C3: variants seen among roughly 807,000 people sequenced by gnomAD.
The protein encoded by C3 is complement C3.
Under a neutral mutation model 207.9 loss-of-function variants are expected in C3, and 97 were observed. The observed-to-expected ratio is 0.47, with a 90% confidence interval of 0.40 to 0.55. The LOEUF (loss-of-function observed/expected upper bound fraction) is 0.55, where lower values mean the gene tolerates loss of function less well. C3 is among the 20% of genes least tolerant of loss of function. The pLI is 0.00. For missense variants in C3, 1,684 were observed against 2,171.7 expected (o/e 0.78, Z 4.46); for synonymous variants, 848 against 857.6 (o/e 0.99, Z 0.20).
chr19:6,706,643 C>G (rs554658588), intron 17 of C3, among the ~76,000 whole-genome samples: 117 of 148,424 alleles, frequency 7.9e-4, no homozygotes, highest in Non-Finnish European at 1.6e-3. Context: ...CCCCCTCAGA[C>G]AGAGGCCTCC....
intron 35 of C3, 106 bp downstream of exon 35, chr19:6,681,835 G>C: frequency 3.5e-6 from 3 of 868,144 alleles, no homozygotes; most frequent in Non-Finnish European, 6.0e-6. Flanking sequence ...CTCTGGCCCA[G>C]GGTTAGTCTG....
intron 2 of C3, among the ~76,000 whole-genome samples, chr19:6,718,883 G>A (rs1171900019): frequency 1.4e-5 from 2 of 141,714 alleles, no homozygotes; most frequent in African/African-American, 2.6e-5. Context: ...GAAGGGGTGG[G>A]GTCTCAGGGA....
chr19:6,704,312 A>G (rs1967729735), intron 17 of C3, among the ~76,000 whole-genome samples: 1 of 152,110 alleles, frequency 6.6e-6, no homozygotes, highest in South Asian at 2.1e-4. Flanking sequence ...ATAAACAAAA[A>G]CAGCTTGACA....
At chr19:6,686,024 G>A (rs1917997320) in intron 29 of C3, 100 bp downstream of exon 29, 1 of 1,226,046 alleles carries the variant, frequency 8.2e-7, no homozygotes, top group African/African-American at 1.5e-5. Context: ...TCGTGGGAAT[G>A]AAGAACTGCC....
rs749677615 is a variant in C3 at position 6,679,440 on chromosome 19, G to A, written c.4513C>T (p.Leu1505Phe). Reference protein sequence around the residue: ...PEKEDGKLNKLCRDELCRCAE... With the variant: ...PEKEDGKLNKFCRDELCRCAE... ...CAGCGGCACAGTTCATCACGGCAGA[G>A]CTTGTTCAGCTTTCCATCCTCCTTT... The change falls in exon 37 of 41, where the codon CTC (leucine) becomes TTC (phenylalanine). Residue 1505 changes from leucine (L) to phenylalanine (F), a missense_variant. This residue lies in a region of C3 where 346 missense variants were observed against 380.1 expected (regional missense o/e 0.91). Transcript: ENST00000245907. 1.8e-5 allele frequency: 29 copies of A among 1,613,846 alleles called. No individual in the cohort carries two copies. The highest frequency in any genetic ancestry group is 2.5e-5 in the Non-Finnish European group (29 of 1,179,850).
intron 38 of C3, 89 bp downstream of exon 38, chr19:6,679,036 G>T: frequency 1.0e-6 from 1 of 999,726 alleles, no homozygotes; most frequent in Non-Finnish European, 1.6e-6. Flanking sequence ...ACAGCCTGAA[G>T]CCACACCATG....
chr19:6,708,445 G>C (rs763366039), intron 14 of C3, among the ~76,000 whole-genome samples: 5 of 151,738 alleles, frequency 3.3e-5, no homozygotes, highest in African/African-American at 1.2e-4. Context: ...CACCATGCCC[G>C]GCCTTCTTTT....
intron 25 of C3, 135 bp from the exon 26 acceptor site, chr19:6,693,218 A>C (rs547650020): frequency 1.7e-6 from 2 of 1,184,674 alleles, no homozygotes; most frequent in East Asian, 4.8e-5. Flanking sequence ...CCCAGGACCC[A>C]GCTGTTGTAT....
chr19:6,678,868 C>G (rs573108925), intron 38 of C3, among the ~76,000 whole-genome samples: 138 of 152,264 alleles, frequency 9.1e-4, no homozygotes, highest in African/African-American at 3.2e-3. Flanking sequence ...CACAGCCACA[C>G]ACAACTACAA....
Position 6,720,569 on chromosome 19 carries a change from G to A in C3, c.21C>T (p.Pro7=). The A allele has an allele frequency of 6.3e-7, 1 of 1,585,876 alleles. No individual in the cohort carries two copies. The highest frequency in any genetic ancestry group is 8.6e-7 in the Non-Finnish European group (1 of 1,165,712). The stretch of plus-strand genomic sequence containing the variant: ...GGGTTAGTAGCAGGAGCAGCAGGCT[G>A]GGACCTGAGGTGGGTCCCATGGTGC... MGPTSG[P]SLLLLLLTHL... Residue 7 remains proline, a synonymous_variant, in exon 1 of 41, where the codon CCC becomes CCT. Transcript: ENST00000245907.
At chr19:6,701,229 C>G (rs969296469) in intron 19 of C3, among the ~76,000 whole-genome samples, 8 of 152,168 alleles carry the variant, frequency 5.3e-5, no homozygotes, top group African/African-American at 1.7e-4. Context: ...AGCATGTGCA[C>G]TGCTCCGAAA....
In C3 at chr19:6,719,059, G is replaced by A; in HGVS notation, c.267+152C>T. ...GGGGTGGAGTCTCAGAGAAGGGAGG[G>A]GCTTAGAAGGAGAGGCGACTCCGAA... On this transcript the variant is annotated intron_variant, in intron 2 of 40. Transcript: ENST00000245907. This position sits in a 1 kb window ranked among gnomAD's most constrained non-coding sequence, Gnocchi z 5.4. The A allele has an allele frequency of 1.4e-6, 1 of 725,366 alleles. No homozygotes were observed. Among genetic ancestry groups the A allele is most frequent in the Non-Finnish European group, 2.5e-6 (1 of 404,750 alleles). The allele number at this position is 725,366 out of a possible 1,614,324, so 44.9% of individuals were successfully genotyped here.
At chr19:6,693,587 A>C in intron 24 of C3, 100 bp from the exon 25 acceptor site, 6 of 927,490 alleles carry the variant, frequency 6.5e-6, no homozygotes, top group South Asian at 1.4e-5. Flanking sequence ...ACAGGGGCTC[A>C]GGGTGGCGGA....
chr19:6,693,190 T>C, intron 25 of C3, 107 bp from the exon 26 acceptor site: 1 of 1,392,092 alleles, frequency 7.2e-7, no homozygotes, highest in Non-Finnish European at 1.0e-6. Context: ...CCAGTTTGCC[T>C]GGTTTGCCTT....
chr19:6,680,913 GA>G (rs1917841653), intron 35 of C3, among the ~76,000 whole-genome samples: 1 of 151,932 alleles, frequency 6.6e-6, no homozygotes, highest in South Asian at 2.1e-4. Flanking sequence ...AATAACAGAA[GA>G]GGTGGCAGGT....
In C3 at chr19:6,678,038, G is replaced by T; in HGVS notation, c.4851-15C>A. ...TGTAGCTGAGGCTGGAGGGAAGAAT[G>T]GCAGGTCAGGAAGGGGCGTGGTGTG... On this transcript the variant is annotated splice_polypyrimidine_tract_variant and intron_variant, in intron 40 of 40. Coordinates refer to ENST00000245907, the MANE Select transcript of C3 (RefSeq NM_000064.4). The T allele has an allele frequency of 6.2e-7, 1 of 1,614,160 alleles. No homozygotes were observed. The highest frequency in any genetic ancestry group is 1.1e-5 in the South Asian group (1 of 91,084).
intron 37 of C3, 81 bp downstream of exon 37, chr19:6,679,326 G>A: frequency 6.9e-7 from 1 of 1,445,256 alleles, no homozygotes; most frequent in South Asian, 1.1e-5. Flanking sequence ...TATGGGTCTG[G>A]GGGTCCCTGA....
At chr19:6,710,159 G>GGA (rs1302142104) in intron 13 of C3, among the ~76,000 whole-genome samples, 1 of 139,292 alleles carries the variant, frequency 7.2e-6, no homozygotes, top group African/African-American at 2.7e-5. Context: ...AAAGGGAGAG[G>GGA]GAGAGAGAGG....
chr19:6,716,064 C>T lies in C3; in HGVS notation c.505-1618G>A, dbSNP rs1968027699. ...ATGTGTGGTCTCTGTTCCCCACAGA[C>T]CACATCAATCCCTAAATCTAGATAA... is the stretch of plus-strand genomic sequence containing the variant. On this transcript the variant is annotated intron_variant, in intron 4 of 40. Transcript: ENST00000245907. 1.3e-5 allele frequency among the ~76,000 whole-genome samples: 2 copies of T among 152,178 alleles called. 1 individual carries two copies. Among genetic ancestry groups the T allele is most frequent in the South Asian group, 4.1e-4 (2 of 4,832 alleles).
Sources: gnomAD v4.1 joint callset for allele counts (sites outside exome capture counted in the v4.1 genomes callset) on GRCh38, gnomAD v4.1.1 for gene constraint, gnomAD v4.1.1 regional missense constraint, Gnocchi (gnomAD v3.1) non-coding constraint, MANE v1.5 for transcripts, NCBI Gene and HGNC (gene_info 2026-07-23, HGNC 2026-07-21) for gene names.